Variants in MEGF8 observed in about 807,000 individuals in gnomAD.
The protein encoded by MEGF8 is multiple epidermal growth factor-like domains protein 8.
Under a neutral mutation model 302.9 loss-of-function variants are expected in MEGF8, and 156 were observed. That is an observed-to-expected ratio of 0.52 (90% CI 0.45 to 0.59). MEGF8 has a LOEUF of 0.59. Ranked by LOEUF, MEGF8 falls within the 20% of genes least tolerant of loss-of-function variation. MEGF8 has a pLI of 0.00. For synonymous variants in MEGF8, 1,621 were observed against 1,660.5 expected, an observed-to-expected ratio of 0.98 and a Z score of 0.58; for missense variants, 3,345 against 3,964.5, an observed-to-expected ratio of 0.84 and a Z score of 4.20.
At position 42,355,737 on chromosome 19, in the gene MEGF8, C is replaced by T. The variant is rs754617891; in HGVS notation, c.4145-21C>T. On this transcript the variant is annotated intron_variant, in intron 23 of 41. Transcript: ENST00000251268. ...CCAGGAACGTGACTTTGCTACCAGC[C>T]TCTGGCCTCTCTCTTCACAGGGCTG... is the stretch of plus-strand genomic sequence containing the variant. 39 of 1,551,710 alleles carry T rather than the reference C, an allele frequency of 2.5e-5. 1 individual carries two copies. In the South Asian group the frequency reaches 3.3e-4, roughly 13 times the overall value.
At chr19:42,335,415 C>T (rs762410416) in intron 5 of MEGF8, 30 bp downstream of exon 5, 4 of 1,597,178 alleles carry the variant, frequency 2.5e-6, no homozygotes, top group Non-Finnish European at 2.6e-6. Context: ...CCTGGAGGAG[C>T]CTTTCCACTC....
At chr19:42,366,490 C>A (rs868105917) in intron 35 of MEGF8, among the ~76,000 whole-genome samples, 1 of 152,214 alleles carries the variant, frequency 6.6e-6, no homozygotes, top group East Asian at 1.9e-4. Context: ...TGAGCCACCA[C>A]GCCTGGCCCA....
chr19:42,350,664 G>GC (rs1160397657), intron 15 of MEGF8, among the ~76,000 whole-genome samples: 7 of 152,172 alleles, frequency 4.6e-5, no homozygotes, highest in Non-Finnish European at 1.0e-4. Flanking sequence ...AGGCCTTCAG[G>GC]CCTGCCACCT....
rs1247458363 is a variant in MEGF8 at position 42,336,608 on chromosome 19, G to T, written c.1245-199G>T. Among the ~76,000 whole-genome samples, 1 of 152,134 alleles carries T rather than the reference G, an allele frequency of 6.6e-6. No individual in the cohort carries two copies. Among genetic ancestry groups the T allele is most frequent in the Non-Finnish European group, 1.5e-5 (1 of 68,020 alleles). On this transcript the variant is annotated intron_variant, in intron 6 of 41. Transcript: ENST00000251268. This position sits in a 1 kb window ranked among gnomAD's most constrained non-coding sequence, Gnocchi z 4.8. ...TATCTATTCAACAGAGCCCTGCTTGGTGTCCAGCCCTTGCTAGCTTATGCA... is the reference window on the plus strand; with the variant it reads ...TATCTATTCAACAGAGCCCTGCTTGTTGTCCAGCCCTTGCTAGCTTATGCA...
In MEGF8 at chr19:42,351,489, C is replaced by A; in HGVS notation, c.2916C>A (p.Thr972=). ...GCCAGTGCGCCTGGTGCCAGTCCAC[C>A]CACACCTGCTTCCTGTTTGCTGCCT... ...NSSQCAWCQS[T]HTCFLFAAYL... The change falls in exon 17 of 42, where the codon ACC becomes ACA. Residue 972 remains threonine (T), a synonymous_variant. Transcript: ENST00000251268. The surrounding 1 kb of genome is among the most constrained non-coding windows in gnomAD (Gnocchi z 5.6). 1 of 1,605,362 alleles carries A rather than the reference C, an allele frequency of 6.2e-7. No individual in the cohort carries two copies. The highest frequency in any genetic ancestry group is 1.7e-5 in the Admixed American group (1 of 58,824).
rs1415954874 is a variant in MEGF8, at chr19:42,334,190, G to T, written c.535G>T (p.Gly179Cys). 6.2e-7 allele frequency: 1 copy of T among 1,603,098 alleles called. No homozygotes were observed. The highest frequency in any genetic ancestry group is 1.1e-5 in the South Asian group (1 of 90,672). Residue 179 changes from glycine (G) to cysteine (C), a missense_variant, in exon 3 of 42, where the codon GGC becomes TGC. Physicochemically the swap from Gly to Cys is radical, Grantham distance 159. Transcript: ENST00000251268. ...CGLQECSAYC[G>C]SHGTCASPLG... ...CCTGCAGGAGTGCTCAGCCTACTGT[G>T]GCAGCCACGGCACCTGCGCCTCGGT...
chr19:42,361,767 C>T (rs2039534961), intron 32 of MEGF8, among the ~76,000 whole-genome samples: 1 of 151,662 alleles, frequency 6.6e-6, no homozygotes, highest in South Asian at 2.1e-4. Flanking sequence ...GGTAGAGTGA[C>T]GAGAGCCTGC....
intron 3 of MEGF8, 144 bp from the exon 4 acceptor site, chr19:42,334,891 C>T: frequency 1.3e-6 from 1 of 782,428 alleles, no homozygotes; most frequent in Non-Finnish European, 1.9e-6. Context: ...CCTTTTCCAT[C>T]CTCTCCCTTC....
chr19:42,357,334 G>T lies in MEGF8; in HGVS notation c.4831-70G>T. 6.5e-7 allele frequency: 1 copy of T among 1,540,564 alleles called. No individual in the cohort carries two copies. The highest frequency in any genetic ancestry group is 8.8e-7 in the Non-Finnish European group (1 of 1,131,868). On this transcript the variant is annotated intron_variant, in intron 27 of 41. Transcript: ENST00000251268. This position sits in a 1 kb window ranked among gnomAD's most constrained non-coding sequence, Gnocchi z 5.2. ...TCAGGGAGGACTGTGGGGGGCTGAG[G>T]CTCGCTTCTACCCACAAGGTGACCC...
chr19:42,370,284 C>T lies in MEGF8; in HGVS notation c.6930C>T (p.Ser2310=). The change falls in exon 39 of 42, where the codon AGC becomes AGT. Residue 2310 remains serine (S), a synonymous_variant. Transcript: ENST00000251268. ...GCCACGCCTTTTGTCGTGGAAATAG[C>T]CACATCTGCATCTCCAGGAAGGAGT... ...RPCHAFCRGN[S]HICISRKELQ... 6.2e-7 allele frequency: 1 copy of T among 1,613,774 alleles called. No homozygotes were observed. The highest frequency in any genetic ancestry group is 8.5e-7 in the Non-Finnish European group (1 of 1,179,830).
In MEGF8 at chr19:42,378,404, T is replaced by C. The variant is rs2039796187; in HGVS notation, c.*1629T>C. 1 of 153,764 alleles carries C rather than the reference T, an allele frequency of 6.5e-6. No individual in the cohort carries two copies. The highest frequency in any genetic ancestry group is 2.1e-4 in the South Asian group (1 of 4,826). The allele number at this position is 153,764 out of a possible 1,614,324, so 9.5% of individuals were successfully genotyped here. ...CACCCCAGGTGGGCATGGGGGCCACTGAGGTTGGGGATGAAAATGCCGGTA... is the reference window on the plus strand; with the variant it reads ...CACCCCAGGTGGGCATGGGGGCCACCGAGGTTGGGGATGAAAATGCCGGTA... On this transcript the variant is annotated 3_prime_UTR_variant, in exon 42 of 42. Transcript: ENST00000251268.
chr19:42,376,092 G>C lies in MEGF8; in HGVS notation c.7855G>C (p.Val2619Leu), dbSNP rs772954605. The change falls in exon 42 of 42, where the codon GTG becomes CTG. Residue 2619 changes from valine to leucine, a missense_variant. Coordinates refer to ENST00000251268, the MANE Select transcript of MEGF8 (RefSeq NM_001271938.2). The surrounding 1 kb of genome is among the most constrained non-coding windows in gnomAD (Gnocchi z 8.2). ...SSRFYLLLLG[V>L]GDPSGPGANG... ...CCGCTTCTACCTGCTGCTGCTGGGC[G>C]TGGGAGACCCAAGTGGGCCCGGCGC... 2.5e-6 allele frequency: 4 copies of C among 1,606,342 alleles called. No homozygotes were observed. Among genetic ancestry groups the C allele is most frequent in the Non-Finnish European group, 2.5e-6 (3 of 1,179,704 alleles).
In MEGF8 at chr19:42,344,775, T is replaced by A. The variant is rs199665461; in HGVS notation, c.2039T>A (p.Leu680Gln). 74 of 1,611,472 alleles carry A rather than the reference T, an allele frequency of 4.6e-5. No homozygotes were observed. The highest frequency in any genetic ancestry group is 2.5e-6 in the Non-Finnish European group (3 of 1,178,518). ...GAGGCCTGCGTCACCCAGAGCTTCCTGCCTGGCCTGCACTTGCTCACCTTT... is the reference window on the plus strand; with the variant it reads ...GAGGCCTGCGTCACCCAGAGCTTCCAGCCTGGCCTGCACTTGCTCACCTTT... ...SLEACVTQSF[L>Q]PGLHLLTFQQ... Residue 680 changes from leucine (L) to glutamine (Q), a missense_variant, in exon 12 of 42, where the codon CTG becomes CAG. Transcript: ENST00000251268. This position sits in a 1 kb window ranked among gnomAD's most constrained non-coding sequence, Gnocchi z 4.5.
rs751362008 is a variant in MEGF8, at chr19:42,368,406, T to A, written c.6274-49T>A. ...CCAGAATGTGTTTGTTTAAGCTTATTTCCCCATCTCTCTCTTCCCTGCATC... is the reference window on the plus strand; with the variant it reads ...CCAGAATGTGTTTGTTTAAGCTTATATCCCCATCTCTCTCTTCCCTGCATC... On this transcript the variant is annotated intron_variant, in intron 35 of 41. Transcript: ENST00000251268. This position sits in a 1 kb window ranked among gnomAD's most constrained non-coding sequence, Gnocchi z 4.9. The A allele has an allele frequency of 1.4e-6, 2 of 1,461,044 alleles. No individual in the cohort carries two copies. Among genetic ancestry groups the A allele is most frequent in the South Asian group, 1.3e-5 (1 of 76,664 alleles). 90.5% of individuals were successfully genotyped at this position (1,461,044 alleles called of 1,614,324 possible). A position where few individuals can be genotyped will look rare whatever the true frequency, so the allele number is the denominator to read the frequency against.
chr19:42,334,042 C>T lies in MEGF8; in HGVS notation c.387C>T (p.Asn129=), dbSNP rs2092178727. 1 of 1,613,900 alleles carries T rather than the reference C, an allele frequency of 6.2e-7. No individual in the cohort carries two copies. Among genetic ancestry groups the T allele is most frequent in the Non-Finnish European group, 8.5e-7 (1 of 1,179,860 alleles). The stretch of plus-strand genomic sequence containing the variant: ...ACCTCTTCAGTGATGCCAACTACAA[C>T]CTGCTGGGCTTTAACGCCTCATTCC... ...LLHLFSDANY[N]LLGFNASFRF... Residue 129 remains asparagine (N), a synonymous_variant, in exon 3 of 42, where the codon AAC becomes AAT. Coordinates refer to ENST00000251268, the MANE Select transcript of MEGF8 (RefSeq NM_001271938.2).
chr19:42,342,409 C>T (rs942013813), intron 8 of MEGF8, among the ~76,000 whole-genome samples: 16 of 152,222 alleles, frequency 1.1e-4, no homozygotes, highest in Middle Eastern at 3.4e-3. Flanking sequence ...GAGGCCGAGG[C>T]GAGTGGATCA....
intron 35 of MEGF8, among the ~76,000 whole-genome samples, chr19:42,365,501 C>T (rs1208826810): frequency 4.0e-5 from 6 of 151,132 alleles, no homozygotes; most frequent in African/African-American, 1.2e-4. Context: ...TGGGGTGGCT[C>T]AGGCCTGTAA....
chr19:42,376,467 T>A lies in MEGF8; in HGVS notation c.8230T>A (p.Trp2744Arg). ...PLLLTGAGGP[W>R]GPMGGGCCPP... ...GCTGCTGACAGGGGCCGGTGGGCCC[T>A]GGGGACCCATGGGAGGGGGCTGCTG... is the stretch of plus-strand genomic sequence containing the variant. The change falls in exon 42 of 42, where the codon TGG (tryptophan) becomes AGG (arginine). Residue 2744 changes from tryptophan (W) to arginine (R), a missense_variant. By Grantham distance (101) the Trp-to-Arg change is moderately radical (BLOSUM62 -3). Coordinates refer to ENST00000251268, the MANE Select transcript of MEGF8 (RefSeq NM_001271938.2). This position sits in a 1 kb window ranked among gnomAD's most constrained non-coding sequence, Gnocchi z 8.2. 1 of 1,605,938 alleles carries A rather than the reference T, an allele frequency of 6.2e-7. No homozygotes were observed. The highest frequency in any genetic ancestry group is 8.5e-7 in the Non-Finnish European group (1 of 1,177,794).
chr19:42,369,789 G>T lies in MEGF8; in HGVS notation c.6834+66G>T. 6.8e-7 allele frequency: 1 copy of T among 1,474,150 alleles called. No individual in the cohort carries two copies. The highest frequency in any genetic ancestry group is 9.1e-7 in the Non-Finnish European group (1 of 1,098,818). 91.3% of individuals were successfully genotyped at this position (1,474,150 alleles called of 1,614,324 possible). On this transcript the variant is annotated intron_variant, in intron 38 of 41. Coordinates refer to ENST00000251268, the MANE Select transcript of MEGF8 (RefSeq NM_001271938.2). The surrounding 1 kb of genome is among the most constrained non-coding windows in gnomAD (Gnocchi z 5.7). Reference sequence around the variant, plus strand: ...AGGCCCTCACTTGCCTTCATCCCACGCTCAGGCGGCTCGCATCTCATCCTG... The same window carrying T: ...AGGCCCTCACTTGCCTTCATCCCACTCTCAGGCGGCTCGCATCTCATCCTG...
Sources: gnomAD v4.1 joint callset for allele counts (sites outside exome capture counted in the v4.1 genomes callset) on GRCh38, gnomAD v4.1.1 for gene constraint, Gnocchi (gnomAD v3.1) non-coding constraint, MANE v1.5 for transcripts, NCBI Gene and HGNC (gene_info 2026-07-23, HGNC 2026-07-21) for gene names.